PCLAF: variants seen among roughly 807,000 people sequenced by gnomAD.
PCLAF encodes the protein PCNA clamp associated factor.
In PCLAF, 12 loss-of-function variants were observed where a neutral mutation model predicts 15.1. The observed-to-expected ratio is 0.79, with a 90% CI of 0.51 to 1.29. The LOEUF is 1.29. Ranked by LOEUF, PCLAF falls within the 50% of genes most tolerant of loss-of-function variation. PCLAF has a pLI of 0.00. For missense variants in PCLAF, 116 were observed against 130.9 expected (o/e 0.89, Z 0.56); for synonymous variants, 33 against 47.1 (o/e 0.70, Z 1.22).
intron 3 of PCLAF, among the ~76,000 whole-genome samples, chr15:64,375,656 G>T (rs1899578977): frequency 6.6e-6 from 1 of 152,154 alleles, no homozygotes; most frequent in African/African-American, 2.4e-5. Flanking sequence ...GCCTCCCAAA[G>T]TGCTAGGATT....
At chr15:64,377,702 G>C (rs1899666141) in intron 2 of PCLAF, among the ~76,000 whole-genome samples, 1 of 142,198 alleles carries the variant, frequency 7.0e-6, no homozygotes, top group Non-Finnish European at 1.5e-5. Context: ...ATTTTTCAAA[G>C]CACCTGGCTC....
At position 64,376,852 on chromosome 15, in the gene PCLAF, A is replaced by G; in HGVS notation, c.181T>C (p.Trp61Arg). ...NPVCVRPTPKWQKGIGEFFRL... is the reference protein window; with the variant it reads ...NPVCVRPTPKRQKGIGEFFRL... ...AAGAATTCTCCAATTCCTTTTTGCCACTTGGGAGTTGGGCGCACGCAAACG... is the reference window on the plus strand; with the variant it reads ...AAGAATTCTCCAATTCCTTTTTGCCGCTTGGGAGTTGGGCGCACGCAAACG... The change falls in exon 3 of 4, where the codon TGG becomes CGG. Residue 61 changes from tryptophan (W) to arginine (R), a missense_variant. Coordinates refer to ENST00000300035, the MANE Select transcript of PCLAF (RefSeq NM_014736.6). 1 of 1,613,942 alleles carries G rather than the reference A, an allele frequency of 6.2e-7. No homozygotes were observed. Among genetic ancestry groups the G allele is most frequent in the Non-Finnish European group, 8.5e-7 (1 of 1,179,930 alleles).
At chr15:64,381,656 G>C (rs947942319), upstream of PCLAF, 2 of 667,254 alleles carry the variant, frequency 3.0e-6, no homozygotes, top group East Asian at 6.2e-5. Flanking sequence ...GCGGTACCAG[G>C]ACTCTCCAGG....
intron 2 of PCLAF, among the ~76,000 whole-genome samples, chr15:64,377,224 T>A (rs1303461441): frequency 6.6e-6 from 1 of 151,174 alleles, no homozygotes; most frequent in African/African-American, 2.4e-5. Context: ...TCCCAGCACT[T>A]TGGGAGGCTG....
chr15:64,371,075 TCTC>T (rs999821265), intron 3 of PCLAF, among the ~76,000 whole-genome samples: 1 of 151,042 alleles, frequency 6.6e-6, no homozygotes, highest in Non-Finnish European at 1.5e-5. Context: ...TTCACGCTAT[TCTC>T]CTGCCTCAGC....
chr15:64,380,245 T>C (rs989310714), intron 2 of PCLAF, among the ~76,000 whole-genome samples: 3 of 151,884 alleles, frequency 2.0e-5, no homozygotes, highest in East Asian at 3.9e-4. Context: ...TAGCTGGGTG[T>C]GGTGGCGTGC....
chr15:64,376,741 A>G lies in PCLAF; in HGVS notation c.290+2T>C. The G allele has an allele frequency of 6.2e-7, 1 of 1,608,062 alleles. No individual in the cohort carries two copies. Among genetic ancestry groups the G allele is most frequent in the African/African-American group, 1.3e-5 (1 of 74,610 alleles). On this transcript the variant is annotated splice_donor_variant, in intron 3 of 3. Transcript: ENST00000300035. LOFTEE classifies it high-confidence loss of function. ...TTTATATTCCAGAATATAAAAACTT[A>G]CTTTCTCTTTGCTTTTCCTAAGCCA...
chr15:64,375,639 C>T (rs1469459010), intron 3 of PCLAF, among the ~76,000 whole-genome samples: 1 of 152,102 alleles, frequency 6.6e-6, no homozygotes, highest in Non-Finnish European at 1.5e-5. Flanking sequence ...GCGATCTGCC[C>T]ACTGTAGCCT....
upstream of PCLAF, among the ~76,000 whole-genome samples, chr15:64,383,320 T>A (rs1009423549): frequency 1.3e-5 from 2 of 152,024 alleles, no homozygotes; most frequent in African/African-American, 4.8e-5. Context: ...CATTCCTTTG[T>A]TTTTTGTCCT....
chr15:64,369,959 G>A (rs538562994), intron 3 of PCLAF, among the ~76,000 whole-genome samples: 3 of 152,154 alleles, frequency 2.0e-5, no homozygotes, highest in Admixed American at 1.3e-4. Flanking sequence ...TCCCATGCAG[G>A]TTTCTAAAGA....
intron 3 of PCLAF, among the ~76,000 whole-genome samples, chr15:64,373,943 C>T (rs189074200): frequency 7.2e-5 from 11 of 152,110 alleles, no homozygotes; most frequent in African/African-American, 2.7e-4. Flanking sequence ...GATTTCGAAT[C>T]TTTTTTTCCC....
chr15:64,373,838 C>T, intron 3 of PCLAF: 1 of 1,405,456 alleles, frequency 7.1e-7, no homozygotes, highest in Non-Finnish European at 9.6e-7. Context: ...CACTCCCTTT[C>T]CTCCTACATC....
At position 64,366,008 on chromosome 15, in the gene PCLAF, T is replaced by C; in HGVS notation, c.*22A>G. On this transcript the variant is annotated 3_prime_UTR_variant, in exon 4 of 4. Coordinates refer to ENST00000300035, the MANE Select transcript of PCLAF (RefSeq NM_014736.6). Reference sequence around the variant, plus strand: ...TACCAGGGTAAACAAGGAGACGTTATTCAAAGATGAATGAGAAAGTTCTAT... The same window carrying C: ...TACCAGGGTAAACAAGGAGACGTTACTCAAAGATGAATGAGAAAGTTCTAT... 1 of 1,586,418 alleles carries C rather than the reference T, an allele frequency of 6.3e-7. No individual in the cohort carries two copies. Among genetic ancestry groups the C allele is most frequent in the East Asian group, 2.2e-5 (1 of 44,556 alleles).
At chr15:64,369,954 T>C (rs1222247981) in intron 3 of PCLAF, among the ~76,000 whole-genome samples, 2 of 152,164 alleles carry the variant, frequency 1.3e-5, no homozygotes, top group African/African-American at 4.8e-5. Context: ...CTTGTTCCCA[T>C]GCAGGTTTCT....
chr15:64,380,079 T>C (rs1398413224), intron 2 of PCLAF, among the ~76,000 whole-genome samples: 1 of 152,212 alleles, frequency 6.6e-6, no homozygotes, highest in Non-Finnish European at 1.5e-5. Context: ...AAATAGCCTC[T>C]GTTATTATTA....
At chr15:64,371,069 C>T (rs1460090190) in intron 3 of PCLAF, among the ~76,000 whole-genome samples, 6 of 147,508 alleles carry the variant, frequency 4.1e-5, no homozygotes, top group Admixed American at 6.8e-5. Flanking sequence ...CCTGAGTTCA[C>T]GCTATTCTCC....
intron 3 of PCLAF, among the ~76,000 whole-genome samples, chr15:64,368,955 C>T (rs1243058338): frequency 6.6e-6 from 1 of 152,158 alleles, no homozygotes; most frequent in African/African-American, 2.4e-5. Context: ...TGACTATCAG[C>T]TTGTTCCTGT....
chr15:64,387,308 G>C, intron 1 of PCLAF: 1 of 313,742 alleles, frequency 3.2e-6, no homozygotes, highest in Non-Finnish European at 4.8e-6. Context: ...CATGAACCCG[G>C]GAGGCGGAGC....
At chr15:64,371,130 G>T (rs1413450984) in intron 3 of PCLAF, among the ~76,000 whole-genome samples, 1 of 151,020 alleles carries the variant, frequency 6.6e-6, no homozygotes, top group Admixed American at 6.6e-5. Flanking sequence ...CACCATCCCC[G>T]GCTAATTTTT....
Sources: gnomAD v4.1 joint callset for allele counts (sites outside exome capture counted in the v4.1 genomes callset) on GRCh38, gnomAD v4.1.1 for gene constraint, MANE v1.5 for transcripts, NCBI Gene and HGNC (gene_info 2026-07-23, HGNC 2026-07-21) for gene names.